The following SYK variants were observed in gnomAD, a reference collection of about 807,000 sequenced individuals.
SYK encodes the protein spleen associated tyrosine kinase.
A neutral mutation model predicts 77.8 loss-of-function variants in SYK; 16 were observed. The observed-to-expected ratio is 0.21, with a 90% CI of 0.14 to 0.31. SYK has a LOEUF of 0.31. SYK is among the 10% of genes least tolerant of loss of function. The probability of loss-of-function intolerance (pLI) is 1.00; values close to 1 mark genes in which losing one functional copy is unlikely to be tolerated. For synonymous variants in SYK, 312 were observed against 308.7 expected (o/e 1.01, Z -0.11); for missense variants, 529 against 814.4 (o/e 0.65, Z 4.26).
chr9:90,865,124 A>C, intron 6 of SYK, 27 bp downstream of exon 6: 1 of 1,607,014 alleles, frequency 6.2e-7, no homozygotes, highest in Non-Finnish European at 8.5e-7. Flanking sequence ...ATACCACTGA[A>C]TGAGAAGCTG....
chr9:90,885,637 C>T (rs541955214), intron 11 of SYK, among the ~76,000 whole-genome samples: 11 of 152,264 alleles, frequency 7.2e-5, no homozygotes, highest in Admixed American at 6.5e-4. Context: ...ATCAAAACTT[C>T]CCAAATATAA....
At position 90,867,346 on chromosome 9, in the gene SYK, G is replaced by A. The variant is rs1827543116; in HGVS notation, c.915+147G>A. 8 of 790,108 alleles carry A rather than the reference G, an allele frequency of 1.0e-5. No homozygotes were observed. The South Asian group carries it at 1.3e-4, about 13-fold the overall frequency. The allele number at this position is 790,108 out of a possible 1,614,324, so 48.9% of individuals were successfully genotyped here. On this transcript the variant is annotated intron_variant, in intron 7 of 13. Coordinates refer to ENST00000375754, the MANE Select transcript of SYK (RefSeq NM_003177.7). ...GGCCTCTTTGCCCTTGCTCACACCTGCTGTTCCTGGGCAGCCGCGCCCCAG... is the reference window on the plus strand; with the variant it reads ...GGCCTCTTTGCCCTTGCTCACACCTACTGTTCCTGGGCAGCCGCGCCCCAG...
intron 3 of SYK, among the ~76,000 whole-genome samples, chr9:90,851,122 G>T (rs1217529595): frequency 6.6e-6 from 1 of 152,166 alleles, no homozygotes; most frequent in Non-Finnish European, 1.5e-5. Context: ...AGGCAGGAAG[G>T]CAAAACCAGG....
chr9:90,876,701 G>A (rs1827950293), intron 9 of SYK, among the ~76,000 whole-genome samples: 1 of 152,246 alleles, frequency 6.6e-6, no homozygotes, highest in East Asian at 1.9e-4. Context: ...TCAATTTGGG[G>A]CAAAATGATG....
intron 3 of SYK, among the ~76,000 whole-genome samples, chr9:90,857,567 A>G (rs1187979364): frequency 2.0e-5 from 3 of 152,250 alleles, no homozygotes; most frequent in Non-Finnish European, 4.4e-5. Context: ...TGTGGAATGC[A>G]CATGTGCCTC....
At chr9:90,812,130 AG>A in intron 1 of SYK, among the ~76,000 whole-genome samples, 1 of 146,372 alleles carries the variant, frequency 6.8e-6, no homozygotes, top group Non-Finnish European at 1.5e-5. Flanking sequence ...CTTTGGGGGG[AG>A]GGGAATAGAA....
At chr9:90,862,608 G>A (rs534627046) in intron 4 of SYK, among the ~76,000 whole-genome samples, 2 of 152,202 alleles carry the variant, frequency 1.3e-5, no homozygotes, top group African/African-American at 4.8e-5. Context: ...GTCATGTGAG[G>A]TGAACGAAGG....
chr9:90,819,193 A>G (rs1564071609), intron 1 of SYK, among the ~76,000 whole-genome samples: 1 of 152,226 alleles, frequency 6.6e-6, no homozygotes. Context: ...CTCAAAATGG[A>G]TAAAGAATGA....
At chr9:90,870,466 T>G (rs1827686651) in intron 7 of SYK, among the ~76,000 whole-genome samples, 1 of 152,232 alleles carries the variant, frequency 6.6e-6, no homozygotes, top group South Asian at 2.1e-4. Flanking sequence ...AAACTTACAT[T>G]TAAGTACAGG....
At chr9:90,864,898 TAA>T in intron 5 of SYK, 148 bp from the exon 6 acceptor site, 2 of 827,110 alleles carry the variant, frequency 2.4e-6, no homozygotes, top group South Asian at 1.7e-5. Flanking sequence ...CGGGAAAAAG[TAA>T]AAGAGGGTCG....
chr9:90,891,337 C>CG (rs1828785455), intron 13 of SYK, among the ~76,000 whole-genome samples: 1 of 151,898 alleles, frequency 6.6e-6, no homozygotes, highest in Non-Finnish European at 1.5e-5. Context: ...TTAGTGGAGA[C>CG]GGGGTTTCAC....
chr9:90,877,688 G>T lies in SYK; in HGVS notation c.1299G>T (p.Val433=). The T allele has an allele frequency of 6.2e-7, 1 of 1,614,224 alleles. No individual in the cohort carries two copies. The highest frequency in any genetic ancestry group is 8.5e-7 in the Non-Finnish European group (1 of 1,180,030). The change falls in exon 10 of 14, where the codon GTG becomes GTT. Residue 433 remains valine, a synonymous_variant. Coordinates refer to ENST00000375754, the MANE Select transcript of SYK (RefSeq NM_003177.7). ...VMQQLDNPYI[V]RMIGICEAES... is the part of the protein sequence containing the mutation. ...AGCAGCTGGACAACCCGTACATCGTGCGGATGATCGGGATATGCGAGGCCG... is the reference window on the plus strand; with the variant it reads ...AGCAGCTGGACAACCCGTACATCGTTCGGATGATCGGGATATGCGAGGCCG...
At chr9:90,815,779 T>C (rs1825269430) in intron 1 of SYK, among the ~76,000 whole-genome samples, 2 of 152,264 alleles carry the variant, frequency 1.3e-5, no homozygotes, top group African/African-American at 4.8e-5. Flanking sequence ...TGCTCGGCTC[T>C]GTGCTTGTTC....
At chr9:90,836,368 A>G (rs1280155087) in intron 1 of SYK, among the ~76,000 whole-genome samples, 1 of 152,190 alleles carries the variant, frequency 6.6e-6, no homozygotes, top group East Asian at 1.9e-4. Flanking sequence ...TTCATTTACT[A>G]CCATAAAATG....
At chr9:90,803,337 G>A (rs1315122863) in intron 1 of SYK, among the ~76,000 whole-genome samples, 1 of 152,060 alleles carries the variant, frequency 6.6e-6, no homozygotes, top group Non-Finnish European at 1.5e-5. Context: ...GAAAAGGTTG[G>A]ATTTGAACAC....
At chr9:90,864,732 A>T in intron 5 of SYK, 65 bp downstream of exon 5, 1 of 1,459,568 alleles carries the variant, frequency 6.9e-7, no homozygotes, top group Non-Finnish European at 9.6e-7. Flanking sequence ...CTCATTTTAG[A>T]CTTAGCTGAT....
chr9:90,860,821 C>T (rs73506036), intron 3 of SYK, among the ~76,000 whole-genome samples: 2,612 of 152,246 alleles, frequency 0.017, 76 homozygotes, highest in African/African-American at 0.06. Flanking sequence ...AAGGCCATCT[C>T]AACTCTCCCT....
At chr9:90,888,236 G>T (rs919454181) in intron 12 of SYK, among the ~76,000 whole-genome samples, 1 of 152,080 alleles carries the variant, frequency 6.6e-6, no homozygotes, top group Non-Finnish European at 1.5e-5. Context: ...ACAACTCTTA[G>T]CATGCAGTAC....
At position 90,864,549 on chromosome 9, in the gene SYK, A is replaced by G. The variant is rs1827399136; in HGVS notation, c.718-40A>G. The G allele has an allele frequency of 1.3e-6, 2 of 1,559,094 alleles. 1 individual carries two copies. Among genetic ancestry groups the G allele is most frequent in the South Asian group, 2.2e-5 (2 of 89,802 alleles). ...TCAGTCACTATTTGTCTATTTCCTG[A>G]CCTTGGTATTTACCACTTTCTTACT... On this transcript the variant is annotated intron_variant, in intron 4 of 13. Coordinates refer to ENST00000375754, the MANE Select transcript of SYK (RefSeq NM_003177.7).
Sources: gnomAD v4.1 joint callset for allele counts (sites outside exome capture counted in the v4.1 genomes callset) on GRCh38, gnomAD v4.1.1 for gene constraint, MANE v1.5 for transcripts, NCBI Gene and HGNC (gene_info 2026-07-23, HGNC 2026-07-21) for gene names.